STK32B: variants seen among roughly 807,000 people sequenced by gnomAD.
STK32B encodes serine/threonine kinase 32B, also known as serine/threonine-protein kinase 32B.
Under a neutral mutation model 52.6 loss-of-function variants are expected in STK32B, and 43 were observed. That is an observed-to-expected ratio of 0.82 (90% confidence interval 0.64 to 1.05). STK32B has a LOEUF of 1.05. Among genes scored for constraint, STK32B ranks in the 50% least tolerant of loss-of-function variants. The probability of loss-of-function intolerance (pLI) is 0.00; values close to 1 mark genes in which losing one functional copy is unlikely to be tolerated. For synonymous variants in STK32B, 238 were observed against 204.3 expected (o/e 1.17, Z -1.41); for missense variants, 621 against 534.6 (o/e 1.16, Z -1.59).
chr4:5,159,718 AATGTATATGAAT>A (rs1256822030), intron 2 of STK32B, among the ~76,000 whole-genome samples: 1,506 of 108,782 alleles, frequency 0.014, 244 homozygotes, highest in Middle Eastern at 0.054. Context: ...TATATATATG[AATGTATATGAAT>A]ATATATATGA....
chr4:5,478,695 C>A (rs564257459), intron 11 of STK32B, among the ~76,000 whole-genome samples: 1 of 152,180 alleles, frequency 6.6e-6, no homozygotes, highest in Non-Finnish European at 1.5e-5. Context: ...TGGGTAGAGA[C>A]GCCACAGAGG....
At chr4:5,098,624 A>C (rs1713529211) in intron 1 of STK32B, among the ~76,000 whole-genome samples, 1 of 152,204 alleles carries the variant, frequency 6.6e-6, no homozygotes. Context: ...CTCAAGGTGA[A>C]ATCACTACTT....
At chr4:5,302,589 A>G (rs1392470692) in intron 3 of STK32B, among the ~76,000 whole-genome samples, 1 of 152,100 alleles carries the variant, frequency 6.6e-6, no homozygotes, top group East Asian at 1.9e-4. Flanking sequence ...CCATTGGTTA[A>G]TATATTCCTT....
At chr4:5,164,072 T>A (rs555001797) in intron 2 of STK32B, among the ~76,000 whole-genome samples, 10 of 152,346 alleles carry the variant, frequency 6.6e-5, no homozygotes, top group Non-Finnish European at 1.2e-4. Flanking sequence ...GGCCAGGTTA[T>A]TTAGCCCCTG....
intron 1 of STK32B, among the ~76,000 whole-genome samples, chr4:5,072,062 T>A (rs1478764467): frequency 6.6e-6 from 1 of 152,204 alleles, no homozygotes; most frequent in East Asian, 1.9e-4. Flanking sequence ...TTGTAATTAA[T>A]GGGAATACGG....
At chr4:5,086,367 C>G (rs1712731733) in intron 1 of STK32B, among the ~76,000 whole-genome samples, 1 of 152,040 alleles carries the variant, frequency 6.6e-6, no homozygotes, top group Non-Finnish European at 1.5e-5. Context: ...TTTCTTGGTT[C>G]TAAGAGTTTA....
chr4:5,331,256 G>T lies in STK32B; in HGVS notation c.297G>T (p.Val99=), dbSNP rs1464909477. Residue 99 remains valine (V), a synonymous_variant, in exon 4 of 12, where the codon GTG becomes GTT. Coordinates refer to ENST00000282908, the MANE Select transcript of STK32B (RefSeq NM_018401.3). ...SFQDEEDMFM[V]VDLLLGGDLR... is the part of the protein sequence containing the mutation. ...AGGATGAGGAGGACATGTTCATGGTGGTGGACCTGCTCCTGGGAGGCGACC... is the reference window on the plus strand; with the variant it reads ...AGGATGAGGAGGACATGTTCATGGTTGTGGACCTGCTCCTGGGAGGCGACC... 6.2e-7 allele frequency: 1 copy of T among 1,613,710 alleles called. No homozygotes were observed. The highest frequency in any genetic ancestry group is 8.5e-7 in the Non-Finnish European group (1 of 1,179,834).
At chr4:5,413,527 G>A (rs195108) in intron 5 of STK32B, among the ~76,000 whole-genome samples, 91,122 of 152,034 alleles carry the variant, frequency 0.6, 27,914 homozygotes, top group Middle Eastern at 0.74. Flanking sequence ...AAAGACAAAG[G>A]ATATCATTTT....
At chr4:5,024,110 T>C in the STK32B span, among the ~76,000 whole-genome samples, 25 of 152,254 alleles carry the variant, frequency 1.6e-4, no homozygotes, top group African/African-American at 6.0e-4. Flanking sequence ...TTCTCTGTTC[T>C]ATATTGTGAT....
intron 4 of STK32B, among the ~76,000 whole-genome samples, chr4:5,346,656 G>A (rs1489057005): frequency 6.6e-6 from 1 of 152,224 alleles, no homozygotes; most frequent in Non-Finnish European, 1.5e-5. Context: ...CCGTGGGTAA[G>A]TCAGTGACTG....
intron 3 of STK32B, among the ~76,000 whole-genome samples, chr4:5,187,509 A>G (rs1255178858): frequency 1.3e-5 from 2 of 151,834 alleles, no homozygotes; most frequent in Non-Finnish European, 2.9e-5. Flanking sequence ...TGCAAAATAT[A>G]TAGCCAACAA....
rs188927864 is a variant in STK32B at position 5,499,088 on chromosome 4, A to G, written c.*5A>G. The G allele has an allele frequency of 2.9e-5, 46 of 1,607,114 alleles. No homozygotes were observed. Among genetic ancestry groups the G allele is most frequent in the Non-Finnish European group, 3.7e-5 (44 of 1,176,180 alleles). ...ACCCGTGGCTGCAGCAGCTGAGCCC[A>G]CACTTGTTGCTGCTCAACAGGACTG... On this transcript the variant is annotated 3_prime_UTR_variant, in exon 12 of 12. Transcript: ENST00000282908.
At chr4:5,199,073 T>C (rs879903676) in intron 3 of STK32B, among the ~76,000 whole-genome samples, 2 of 152,200 alleles carry the variant, frequency 1.3e-5, no homozygotes, top group Non-Finnish European at 2.9e-5. Flanking sequence ...GTTTTGCATG[T>C]GGAGGTTAAT....
intron 3 of STK32B, among the ~76,000 whole-genome samples, chr4:5,174,011 A>T (rs1719611626): frequency 6.6e-6 from 1 of 152,194 alleles, no homozygotes; most frequent in Non-Finnish European, 1.5e-5. Context: ...ATATATATTT[A>T]GGGTAGTTAG....
intron 8 of STK32B, among the ~76,000 whole-genome samples, chr4:5,459,292 C>CG (rs1396920149): frequency 6.7e-6 from 1 of 148,476 alleles, no homozygotes; most frequent in East Asian, 2.0e-4. Context: ...GCCCCCCCCC[C>CG]CCACCTTTCT....
chr4:5,463,461 G>A (rs192769275), intron 9 of STK32B, among the ~76,000 whole-genome samples: 69 of 140,932 alleles, frequency 4.9e-4, no homozygotes, highest in African/African-American at 1.7e-3. Context: ...CCCACACACT[G>A]ATGCACACTC....
the STK32B span, among the ~76,000 whole-genome samples, chr4:5,025,764 A>G: frequency 6.6e-6 from 1 of 152,154 alleles, no homozygotes; most frequent in East Asian, 1.9e-4. Flanking sequence ...GGAAACTCAA[A>G]CTCAGACTAT....
intron 3 of STK32B, among the ~76,000 whole-genome samples, chr4:5,210,149 T>C (rs189851022): frequency 2.3e-4 from 35 of 152,314 alleles, no homozygotes; most frequent in African/African-American, 7.2e-4. Context: ...AGCATCTTGT[T>C]ACAAAGGCAT....
chr4:5,104,853 T>A (rs1233859549), intron 1 of STK32B, among the ~76,000 whole-genome samples: 1 of 152,258 alleles, frequency 6.6e-6, no homozygotes, highest in African/African-American at 2.4e-5. Context: ...CTTTAGTTTG[T>A]TTATTTCCAT....
Sources: allele counts gnomAD v4.1 joint callset (sites outside exome capture counted in the v4.1 genomes callset), GRCh38; gene constraint gnomAD v4.1.1; transcripts MANE v1.5; gene names NCBI Gene and HGNC (gene_info 2026-07-23, HGNC 2026-07-21).